TRPV1: variants seen among roughly 807,000 people sequenced by gnomAD.
TRPV1 encodes OTRPC1.
A neutral mutation model predicts 82.3 loss-of-function variants in TRPV1; 82 were observed. The ratio of observed to expected loss-of-function variants is 1.00; its 90% CI spans 0.83 to 1.20. TRPV1 has a LOEUF of 1.20. Among genes scored for constraint, TRPV1 ranks in the 50% most tolerant of loss-of-function variants. The pLI is 0.00. For synonymous variants in TRPV1, 515 were observed against 467.7 expected, an observed-to-expected ratio of 1.10 and a Z score of -1.30; for missense variants, 1,067 against 1,096.8, an observed-to-expected ratio of 0.97 and a Z score of 0.38.
chr17:3,599,020 C>A (rs1349332176), intron 2 of TRPV1, among the ~76,000 whole-genome samples: 1 of 150,438 alleles, frequency 6.6e-6, no homozygotes, highest in Non-Finnish European at 1.5e-5. Flanking sequence ...AGGTGGATCA[C>A]CTGAGGTCAG....
At position 3,589,111 on chromosome 17, in the gene TRPV1, G is replaced by A. The variant is rs942593030; in HGVS notation, c.1044+696C>T. On this transcript the variant is annotated intron_variant, in intron 7 of 16. Coordinates refer to ENST00000572705, the MANE Select transcript of TRPV1 (RefSeq NM_080704.4). The stretch of plus-strand genomic sequence containing the variant: ...GGCCTGTCACCAGGAGCCACCAGCT[G>A]GAGCTGGGAGCTGGAGCCATCAGCC... The A allele has an allele frequency of 9.8e-6, 7 of 710,972 alleles. No individual in the cohort carries two copies. The African/African-American group carries it at 1.2e-4, about 13-fold the overall frequency. The allele number at this position is 710,972 out of a possible 1,614,324, so 44.0% of individuals were successfully genotyped here. A position where few individuals can be genotyped will look rare whatever the true frequency, so the allele number is the denominator to read the frequency against.
At chr17:3,577,018 C>T (rs1304409698) in intron 13 of TRPV1, 108 bp downstream of exon 13, 2 of 1,151,274 alleles carry the variant, frequency 1.7e-6, no homozygotes, top group Non-Finnish European at 2.5e-6. Flanking sequence ...CACCTGCAGA[C>T]ATGCACCTGC....
rs1007389418 is a variant in TRPV1, at chr17:3,592,199, C to T, written c.152G>A (p.Gly51Glu). The change falls in exon 3 of 17, where the codon GGG becomes GAG. Residue 51 changes from glycine (G) to glutamate (E), a missense_variant. Coordinates refer to ENST00000572705, the MANE Select transcript of TRPV1 (RefSeq NM_080704.4). ...GAAAGCCTCCTCCGAGTCACCCTTC[C>T]CAAAGAGCCGGGTGCGGCTCTTGGC... is the stretch of plus-strand genomic sequence containing the variant. ...STAKSRTRLF[G>E]KGDSEEAFPV... The T allele has an allele frequency of 3.1e-6, 5 of 1,613,320 alleles. No individual in the cohort carries two copies. Among genetic ancestry groups the T allele is most frequent in the Non-Finnish European group, 3.4e-6 (4 of 1,179,618 alleles).
chr17:3,601,621 G>A (rs1192687350), intron 2 of TRPV1: 1 of 151,508 alleles, frequency 6.6e-6, no homozygotes, highest in Non-Finnish European at 1.5e-5. Context: ...TTTTTAAAGA[G>A]GTGGTATCTT....
chr17:3,602,557 T>C (rs2075270822), intron 2 of TRPV1, among the ~76,000 whole-genome samples: 1 of 152,184 alleles, frequency 6.6e-6, no homozygotes, highest in Admixed American at 6.5e-5. Context: ...TTTAATGACT[T>C]CTGGGAGGGA....
chr17:3,608,748 G>C (rs2075316837), intron 1 of TRPV1, 183 bp from the exon 2 acceptor site: 1 of 152,214 alleles, frequency 6.6e-6, no homozygotes, highest in Non-Finnish European at 1.5e-5. Context: ...TAGAACACCA[G>C]GGCAAGGCTT....
At chr17:3,581,957 A>C (rs552520877) in intron 10 of TRPV1, among the ~76,000 whole-genome samples, 1 of 141,916 alleles carries the variant, frequency 7.0e-6, no homozygotes, top group Admixed American at 7.2e-5. Context: ...TTGGGAGGCC[A>C]AGGTGGGCGG....
chr17:3,576,668 A>AAAAAAAAAAAAAAAAAATATATATAT, intron 13 of TRPV1, among the ~76,000 whole-genome samples: 1 of 38,388 alleles, frequency 2.6e-5, no homozygotes. Flanking sequence ...AAAAAAAAAA[A>AAAAAAAAAAAAAAAAAATATATATAT]ATATATATAT....
chr17:3,583,819 G>A (rs1162535583), intron 9 of TRPV1, among the ~76,000 whole-genome samples: 1 of 152,190 alleles, frequency 6.6e-6, no homozygotes, highest in African/African-American at 2.4e-5. Flanking sequence ...TCCCACGAGT[G>A]TCAGGGACTC....
Position 3,583,396 on chromosome 17 carries a change from A to C in TRPV1, c.1418T>G (p.Phe473Cys). ...PFKMEKTGDY[F>C]RVTGEILSVL... Reference sequence around the variant, plus strand: ...AGACAGGATCTCTCCAGTAACTCGGAAATAGTCTCCAGTTTTTTCCATCTT... The same window carrying C: ...AGACAGGATCTCTCCAGTAACTCGGCAATAGTCTCCAGTTTTTTCCATCTT... Residue 473 changes from phenylalanine (F) to cysteine (C), a missense_variant, in exon 10 of 17, where the codon TTC becomes TGC. By Grantham distance (205) the Phe-to-Cys change is radical. Coordinates refer to ENST00000572705, the MANE Select transcript of TRPV1 (RefSeq NM_080704.4). The C allele has an allele frequency of 1.2e-6, 2 of 1,609,938 alleles. No individual in the cohort carries two copies. Among genetic ancestry groups the C allele is most frequent in the Non-Finnish European group, 1.7e-6 (2 of 1,178,084 alleles).
At chr17:3,588,551 G>A (rs562835336) in intron 7 of TRPV1, among the ~76,000 whole-genome samples, 184 bp from the exon 8 acceptor site, 1 of 152,238 alleles carries the variant, frequency 6.6e-6, no homozygotes, top group South Asian at 2.1e-4. Context: ...GCTCATGCCT[G>A]TAATCCCAGC....
chr17:3,607,927 G>C (rs919693402), intron 2 of TRPV1, among the ~76,000 whole-genome samples: 2 of 152,090 alleles, frequency 1.3e-5, no homozygotes. Context: ...AGCAAAACTG[G>C]CATGAGGCTG....
chr17:3,589,165 CTCCTGCCTGCCATGG>C (rs2075121836), intron 7 of TRPV1, among the ~76,000 whole-genome samples: 1 of 151,190 alleles, frequency 6.6e-6, no homozygotes, highest in Non-Finnish European at 1.5e-5. Context: ...GCCTGCCATG[CTCCTGCCTGCCATGG>C]AAAAACACCA....
intron 1 of TRPV1, chr17:3,608,949 T>C (rs2075318557): frequency 6.6e-6 from 1 of 152,364 alleles, no homozygotes; most frequent in Non-Finnish European, 1.5e-5. Flanking sequence ...TGGAGTGCAA[T>C]GGCGCGATCT....
chr17:3,566,176 G>GA lies in TRPV1; in HGVS notation c.*638dup, dbSNP rs1226308584. On this transcript the variant is annotated 3_prime_UTR_variant, in exon 17 of 17. Transcript: ENST00000572705. ...AACAAGAGTGAAACTCTGTCTCACA[G>GA]AAAAAAAAAAAAAGAATAAAATCAA... The GA allele has an allele frequency of 6.8e-3, 827 of 121,804 alleles. 4 individuals are homozygous for GA. The highest frequency in any genetic ancestry group is 0.019 in the African/African-American group (610 of 32,810). 7.5% of individuals were successfully genotyped at this position (121,804 alleles called of 1,614,324 possible). A position where few individuals can be genotyped will look rare whatever the true frequency, so the allele number is the denominator to read the frequency against.
At chr17:3,600,486 G>A (rs974173016) in intron 2 of TRPV1, among the ~76,000 whole-genome samples, 9 of 152,192 alleles carry the variant, frequency 5.9e-5, no homozygotes, top group Non-Finnish European at 1.3e-4. Flanking sequence ...CTACTCTGGA[G>A]GCTGAGGCAC....
intron 16 of TRPV1, among the ~76,000 whole-genome samples, chr17:3,569,309 C>T (rs1188631167): frequency 6.6e-6 from 1 of 152,090 alleles, no homozygotes; most frequent in East Asian, 1.9e-4. Flanking sequence ...CGCCTGTAGT[C>T]CCAGGTACTC....
At chr17:3,577,802 C>A (rs1347495507) in intron 11 of TRPV1, 39 bp from the exon 12 acceptor site, 2 of 1,560,426 alleles carry the variant, frequency 1.3e-6, no homozygotes, top group Non-Finnish European at 1.7e-6. Context: ...CTACGGGAAC[C>A]CAGGAGGCCT....
intron 13 of TRPV1, among the ~76,000 whole-genome samples, chr17:3,575,381 G>A (rs1379397305): frequency 1.3e-5 from 2 of 152,078 alleles, no homozygotes; most frequent in African/African-American, 2.4e-5. Context: ...TACCTGGAAG[G>A]CTGAGGCAGG....
Sources: gnomAD v4.1 joint callset for allele counts (sites outside exome capture counted in the v4.1 genomes callset) on GRCh38, gnomAD v4.1.1 for gene constraint, MANE v1.5 for transcripts, NCBI Gene and HGNC (gene_info 2026-07-23, HGNC 2026-07-21) for gene names.